The following LINGO2 variants were observed in gnomAD, a reference collection of about 807,000 sequenced individuals.
LINGO2 encodes the protein leucine rich repeat and Ig domain containing 2.
A neutral mutation model predicts 30.6 loss-of-function variants in LINGO2; 14 were observed. The observed-to-expected ratio is 0.46, with a 90% CI of 0.30 to 0.72. The LOEUF (loss-of-function observed/expected upper bound fraction) is 0.72, where lower values mean the gene tolerates loss of function less well. LINGO2 is among the 30% of genes least tolerant of loss of function. The pLI is 0.07. For synonymous variants in LINGO2, 317 were observed against 288.5 expected (o/e 1.10, Z -1.00); for missense variants, 729 against 751.7 (o/e 0.97, Z 0.35).
intron 1 of LINGO2, among the ~76,000 whole-genome samples, chr9:28,536,898 C>A (rs1170990995): frequency 6.6e-6 from 1 of 152,054 alleles, no homozygotes; most frequent in Non-Finnish European, 1.5e-5. Flanking sequence ...GTACTGAATT[C>A]TTAACCCTAA....
chr9:27,970,570 T>A (rs1820306191), intron 5 of LINGO2, among the ~76,000 whole-genome samples: 1 of 152,144 alleles, frequency 6.6e-6, no homozygotes, highest in South Asian at 2.1e-4. Context: ...TAACCCTGAG[T>A]AAACATTGAT....
At chr9:28,018,003 A>C (rs1822926168) in intron 4 of LINGO2, among the ~76,000 whole-genome samples, 1 of 152,186 alleles carries the variant, frequency 6.6e-6, no homozygotes, top group Admixed American at 6.5e-5. Context: ...TTGGAACAGA[A>C]ACAGACCCAT....
chr9:28,975,354 T>A, the LINGO2 span, among the ~76,000 whole-genome samples: 1 of 152,228 alleles, frequency 6.6e-6, no homozygotes, highest in African/African-American at 2.4e-5. Flanking sequence ...CCTCAAGTAG[T>A]GACTCAGATG....
At chr9:28,109,251 T>G (rs998082099) in intron 4 of LINGO2, among the ~76,000 whole-genome samples, 3 of 152,134 alleles carry the variant, frequency 2.0e-5, no homozygotes, top group African/African-American at 7.2e-5. Context: ...TATCTCAAAA[T>G]AGTAAGAGCT....
At chr9:28,976,253 T>G in the LINGO2 span, among the ~76,000 whole-genome samples, 3 of 152,152 alleles carry the variant, frequency 2.0e-5, no homozygotes, top group African/African-American at 7.2e-5. Flanking sequence ...CCTGAGCTAT[T>G]TTTCCTTTAA....
chr9:29,209,795 T>A, the LINGO2 span, among the ~76,000 whole-genome samples: 1 of 152,172 alleles, frequency 6.6e-6, no homozygotes, highest in Non-Finnish European at 1.5e-5. Flanking sequence ...AATACAGTAC[T>A]CAGAGGTTGG....
the LINGO2 span, among the ~76,000 whole-genome samples, chr9:29,037,333 T>G: frequency 6.6e-6 from 1 of 151,174 alleles, no homozygotes; most frequent in African/African-American, 2.5e-5. Flanking sequence ...TGAAATTTTA[T>G]ATGTTATGAA....
intron 2 of LINGO2, among the ~76,000 whole-genome samples, chr9:28,460,798 G>C (rs891613966): frequency 6.6e-6 from 1 of 152,102 alleles, no homozygotes; most frequent in Non-Finnish European, 1.5e-5. Context: ...CCAGCCTGGA[G>C]GGCAAGTGTG....
chr9:28,965,676 CT>C, the LINGO2 span, among the ~76,000 whole-genome samples: 1 of 152,088 alleles, frequency 6.6e-6, no homozygotes, highest in East Asian at 1.9e-4. Context: ...TCAAATACTA[CT>C]TCTTAAAAAT....
At chr9:28,747,604 C>A in the LINGO2 span, among the ~76,000 whole-genome samples, 3 of 152,080 alleles carry the variant, frequency 2.0e-5, no homozygotes, top group East Asian at 5.8e-4. Context: ...TGCCCTGGCT[C>A]CTGCACCTGC....
chr9:28,015,632 A>G (rs979361702), intron 4 of LINGO2, among the ~76,000 whole-genome samples: 4 of 152,160 alleles, frequency 2.6e-5, no homozygotes, highest in Non-Finnish European at 4.4e-5. Context: ...AAGAATCACA[A>G]CTAATGTCCC....
chr9:28,248,461 G>A (rs1048382137), intron 4 of LINGO2, among the ~76,000 whole-genome samples: 9 of 152,188 alleles, frequency 5.9e-5, no homozygotes, highest in African/African-American at 2.2e-4. Context: ...CCAGTGGTTG[G>A]AATGGGTCAT....
At chr9:28,182,147 A>G (rs184747432) in intron 4 of LINGO2, among the ~76,000 whole-genome samples, 2 of 152,292 alleles carry the variant, frequency 1.3e-5, no homozygotes, top group African/African-American at 4.8e-5. Context: ...TAGAGACCTC[A>G]GAAACAACAC....
chr9:28,108,380 C>T (rs936479137), intron 4 of LINGO2, among the ~76,000 whole-genome samples: 5 of 152,108 alleles, frequency 3.3e-5, no homozygotes, highest in Middle Eastern at 3.4e-3. Context: ...ATGTCACACT[C>T]GATGTGATGA....
chr9:28,523,859 A>G (rs2135407402), intron 1 of LINGO2, among the ~76,000 whole-genome samples: 1 of 152,128 alleles, frequency 6.6e-6, no homozygotes, highest in Non-Finnish European at 1.5e-5. Context: ...ATTGATCAAC[A>G]GATGCAACAC....
At chr9:28,675,920 TATATAC>T in the LINGO2 span, among the ~76,000 whole-genome samples, 5 of 134,154 alleles carry the variant, frequency 3.7e-5, 1 homozygote, top group African/African-American at 1.5e-4. Flanking sequence ...TATATATATA[TATATAC>T]ATACACACAC....
intron 3 of LINGO2, among the ~76,000 whole-genome samples, chr9:28,318,265 C>T (rs1824915324): frequency 6.6e-6 from 1 of 152,120 alleles, no homozygotes; most frequent in Non-Finnish European, 1.5e-5. Context: ...AGTGACAACT[C>T]CTCATTGTAA....
the LINGO2 span, among the ~76,000 whole-genome samples, chr9:28,891,820 A>G: frequency 5.6e-5 from 8 of 144,072 alleles, no homozygotes; most frequent in African/African-American, 1.9e-4. Flanking sequence ...TCACAGAAAT[A>G]CAAATATTTC....
the LINGO2 span, among the ~76,000 whole-genome samples, chr9:28,746,594 A>G: frequency 2.0e-5 from 3 of 152,076 alleles, no homozygotes; most frequent in South Asian, 4.1e-4. Context: ...AAGGCCATAT[A>G]ATTGAGGTTC....
Sources: allele counts gnomAD v4.1 joint callset (sites outside exome capture counted in the v4.1 genomes callset), GRCh38; gene constraint gnomAD v4.1.1; transcripts MANE v1.5; gene names NCBI Gene and HGNC (gene_info 2026-07-23, HGNC 2026-07-21).